The following GCNT2 variants were observed in gnomAD, a reference collection of about 807,000 sequenced individuals.
GCNT2 encodes the protein N-acetyllactosaminide beta-1,6-N-acetylglucosaminyl-transferase.
GCNT2 carries 34 observed loss-of-function variants against 34.2 expected under a neutral mutation model. The ratio of observed to expected loss-of-function variants is 1.00; its 90% confidence interval spans 0.76 to 1.32. The LOEUF is 1.32. Ranked by LOEUF, GCNT2 falls within the 40% of genes most tolerant of loss-of-function variation. GCNT2 has a pLI of 0.00. For missense variants in GCNT2, 584 were observed against 489.4 expected, an observed-to-expected ratio of 1.19 and a Z score of -1.82; for synonymous variants, 212 against 188.0, an observed-to-expected ratio of 1.13 and a Z score of -1.04.
chr6:10,528,544 G>C (rs1561776498), intron 2 of GCNT2, 87 bp from the exon 3 acceptor site: 8 of 335,894 alleles, frequency 2.4e-5, no homozygotes, highest in Non-Finnish European at 3.4e-5. Context: ...TTGCAGAATG[G>C]TCACCTCACC....
At position 10,582,374 on chromosome 6, in the gene GCNT2, TAATTTA is replaced by T. The variant is rs1354965469; in HGVS notation, c.926-38975_926-38970del. ...GTAATATTAAATATAATATATACTA[TAATTTA>T]ATATTTATTATATACTATAATAAAT... On this transcript the variant is annotated intron_variant, in intron 3 of 4. Transcript: ENST00000495262. Among the ~76,000 whole-genome samples the T allele has an allele frequency of 2.9e-4, 27 of 94,112 alleles. 1 individual carries two copies. The highest frequency in any genetic ancestry group is 1.1e-3 in the African/African-American group (27 of 24,952). The allele number at this position is 94,112 out of a possible 152,430, so 61.7% of individuals were successfully genotyped here. A position where few individuals can be genotyped will look rare whatever the true frequency, so the allele number is the denominator to read the frequency against.
At chr6:10,582,901 T>C (rs925287416) in intron 3 of GCNT2, among the ~76,000 whole-genome samples, 42 of 152,218 alleles carry the variant, frequency 2.8e-4, no homozygotes, top group Non-Finnish European at 4.7e-4. Context: ...TCATTTAGTC[T>C]TGACAACCAT....
At position 10,626,415 on chromosome 6, in the gene GCNT2, A is replaced by T. The variant is rs1287999722; in HGVS notation, c.1019-2A>T. ...CTCTGTTTCTTGTTCTTTCTTTTGC[A>T]GGCCACTATGTACATGGTATTTGTA... On this transcript the variant is annotated splice_acceptor_variant, in intron 4 of 4. Coordinates refer to ENST00000495262, the MANE Select transcript of GCNT2 (RefSeq NM_145649.5). LOFTEE classifies it high-confidence loss of function. 1 of 1,607,156 alleles carries T rather than the reference A, an allele frequency of 6.2e-7. No individual in the cohort carries two copies. Among genetic ancestry groups the T allele is most frequent in the Non-Finnish European group, 8.5e-7 (1 of 1,173,648 alleles).
intron 3 of GCNT2, among the ~76,000 whole-genome samples, chr6:10,553,463 A>G (rs1418561323): frequency 6.6e-6 from 1 of 152,230 alleles, no homozygotes; most frequent in South Asian, 2.1e-4. Context: ...TGCTGAGCAC[A>G]TGGAGGAGGG....
At chr6:10,551,092 G>A (rs1762459616) in intron 3 of GCNT2, among the ~76,000 whole-genome samples, 1 of 152,114 alleles carries the variant, frequency 6.6e-6, no homozygotes, top group South Asian at 2.1e-4. Flanking sequence ...TGGCAACTTA[G>A]TTTTCATTTT....
intron 3 of GCNT2, chr6:10,586,088 T>G (rs756471998): frequency 2.4e-5 from 39 of 1,613,802 alleles, no homozygotes; most frequent in East Asian, 1.3e-4. Context: ...CAAAAAGTTA[T>G]GAGAAGCTGA....
intron 3 of GCNT2, among the ~76,000 whole-genome samples, chr6:10,578,037 T>G (rs887594065): frequency 6.6e-6 from 1 of 152,136 alleles, no homozygotes; most frequent in African/African-American, 2.4e-5. Flanking sequence ...TTGATTGACC[T>G]CATTCAAGAA....
At chr6:10,531,720 G>A (rs1300441906) in intron 3 of GCNT2, among the ~76,000 whole-genome samples, 3 of 152,156 alleles carry the variant, frequency 2.0e-5, no homozygotes, top group Non-Finnish European at 4.4e-5. Flanking sequence ...TAGAATTGTA[G>A]TGTCCAGAGT....
chr6:10,565,706 TC>T (rs1763246980), intron 3 of GCNT2, among the ~76,000 whole-genome samples: 1 of 152,266 alleles, frequency 6.6e-6, no homozygotes, highest in Non-Finnish European at 1.5e-5. Context: ...GGTAAATTCT[TC>T]CTGGTAAATT....
intron 3 of GCNT2, among the ~76,000 whole-genome samples, chr6:10,562,830 A>G (rs1293647278): frequency 6.6e-6 from 1 of 152,118 alleles, no homozygotes. Context: ...GACGCTGGGC[A>G]GAGCAAAGCA....
chr6:10,621,609 G>C (rs1297114731), intron 4 of GCNT2, 166 bp downstream of exon 4: 18 of 659,210 alleles, frequency 2.7e-5, no homozygotes, highest in Non-Finnish European at 3.9e-5. Flanking sequence ...TCAAAAATAA[G>C]TTTAAACATC....
At chr6:10,521,566 C>A (rs1229287303) in intron 1 of GCNT2, 149 bp downstream of exon 1, 2 of 152,182 alleles carry the variant, frequency 1.3e-5, no homozygotes, top group Non-Finnish European at 2.9e-5. Context: ...TTTTATATTT[C>A]CAGAACCTAG....
At chr6:10,592,127 C>T (rs546593291) in intron 3 of GCNT2, among the ~76,000 whole-genome samples, 29 of 145,182 alleles carry the variant, frequency 2.0e-4, no homozygotes, top group Non-Finnish European at 3.3e-4. Flanking sequence ...TCTAAAATAA[C>T]GCTACTTGGG....
intron 3 of GCNT2, among the ~76,000 whole-genome samples, chr6:10,535,284 A>G (rs1397958963): frequency 1.3e-5 from 2 of 152,206 alleles, no homozygotes; most frequent in Non-Finnish European, 2.9e-5. Context: ...GAAGGTGCCC[A>G]TGAGGAGAAC....
At chr6:10,527,073 C>T (rs1387335851) in intron 1 of GCNT2, among the ~76,000 whole-genome samples, 1 of 152,100 alleles carries the variant, frequency 6.6e-6, no homozygotes, top group African/African-American at 2.4e-5. Flanking sequence ...TCAGTATTAC[C>T]TGGAATTTCT....
intron 3 of GCNT2, among the ~76,000 whole-genome samples, chr6:10,578,021 C>G (rs1262955540): frequency 1.3e-5 from 2 of 152,090 alleles, no homozygotes; most frequent in East Asian, 3.9e-4. Flanking sequence ...TCTCTAACTT[C>G]TGTAGTTGAT....
chr6:10,540,214 T>A (rs1314555164), intron 3 of GCNT2, among the ~76,000 whole-genome samples: 1 of 152,130 alleles, frequency 6.6e-6, no homozygotes, highest in Non-Finnish European at 1.5e-5. Context: ...TAGTTCTTCT[T>A]AGCAATGTCA....
chr6:10,601,459 A>G lies in GCNT2; in HGVS notation c.926-19892A>G, dbSNP rs568693330. Among the ~76,000 whole-genome samples the G allele has an allele frequency of 2.2e-3, 342 of 152,260 alleles. 2 individuals carry two copies. Among genetic ancestry groups the G allele is most frequent in the African/African-American group, 7.8e-3 (326 of 41,548 alleles). The stretch of plus-strand genomic sequence containing the variant: ...TTGCCATCAATCAATCAGATCATAC[A>G]AGAGCATCATGGTGAGCATGCCACA... On this transcript the variant is annotated intron_variant, in intron 3 of 4. Transcript: ENST00000495262.
chr6:10,529,595 G>T lies in GCNT2; in HGVS notation c.684G>T (p.Arg228=), dbSNP rs561742156. ...GVLPPDHAVG[R]TKYVHQELLN... ...TGCCTCCTGACCACGCTGTTGGACG[G>T]ACTAAATACGTCCACCAAGAACTGT... The change falls in exon 3 of 5, where the codon CGG becomes CGT. Residue 228 remains arginine (R), a synonymous_variant. Transcript: ENST00000495262. 1 of 1,613,860 alleles carries T rather than the reference G, an allele frequency of 6.2e-7. No homozygotes were observed. The highest frequency in any genetic ancestry group is 2.2e-5 in the East Asian group (1 of 44,888).
Sources: gnomAD v4.1 joint callset for allele counts (sites outside exome capture counted in the v4.1 genomes callset) on GRCh38, gnomAD v4.1.1 for gene constraint, MANE v1.5 for transcripts, NCBI Gene and HGNC (gene_info 2026-07-23, HGNC 2026-07-21) for gene names.